The following MICU1 variants were observed in gnomAD, a reference collection of about 807,000 sequenced individuals.
The protein encoded by MICU1 is calcium uptake protein 1, mitochondrial.
In MICU1, 45 loss-of-function variants were observed where a neutral mutation model predicts 56.8. That is an observed-to-expected ratio of 0.79 (90% CI 0.62 to 1.02). The LOEUF (loss-of-function observed/expected upper bound fraction) is 1.02, where lower values mean the gene tolerates loss of function less well. Among genes scored for constraint, MICU1 ranks in the 50% least tolerant of loss-of-function variants. The pLI, the probability that MICU1 is intolerant of heterozygous loss-of-function variation, is 0.00. For synonymous variants in MICU1, 186 were observed against 195.1 expected (o/e 0.95, Z 0.39); for missense variants, 504 against 587.1 (o/e 0.86, Z 1.46).
At chr10:72,388,508 G>A (rs764369838) in intron 10 of MICU1, among the ~76,000 whole-genome samples, 1 of 152,170 alleles carries the variant, frequency 6.6e-6, no homozygotes, top group Non-Finnish European at 1.5e-5. Flanking sequence ...GTCTGTTATT[G>A]TAAGGTAAGG....
chr10:72,590,996 A>G (rs1353348029), intron 1 of MICU1, among the ~76,000 whole-genome samples: 1 of 152,128 alleles, frequency 6.6e-6, no homozygotes, highest in Non-Finnish European at 1.5e-5. Context: ...TTAGGCCACA[A>G]ATTAAGTCTC....
intron 3 of MICU1, among the ~76,000 whole-genome samples, chr10:72,561,317 T>C (rs1044995744): frequency 2.6e-5 from 4 of 152,148 alleles, no homozygotes; most frequent in African/African-American, 9.7e-5. Context: ...TTTTACGAAA[T>C]GGAAAGTGTG....
intron 8 of MICU1, among the ~76,000 whole-genome samples, chr10:72,429,058 G>A (rs1864440396): frequency 6.6e-6 from 1 of 152,166 alleles, no homozygotes; most frequent in African/African-American, 2.4e-5. Context: ...ACCTCAAAGT[G>A]TTGTTGTAAA....
chr10:72,369,117 AT>A (rs993994886), intron 11 of MICU1, among the ~76,000 whole-genome samples: 1 of 151,918 alleles, frequency 6.6e-6, no homozygotes, highest in East Asian at 1.9e-4. Context: ...GTCTCTAAAA[AT>A]TTTTTTCAAA....
At chr10:72,618,538 CCT>C (rs1218914953) in intron 1 of MICU1, among the ~76,000 whole-genome samples, 8 of 151,882 alleles carry the variant, frequency 5.3e-5, no homozygotes, top group Admixed American at 5.3e-4. Context: ...AGGTCAAAGA[CCT>C]GAAAAAAATA....
chr10:72,611,086 C>T (rs1344826686), intron 1 of MICU1, among the ~76,000 whole-genome samples: 1 of 147,186 alleles, frequency 6.8e-6, no homozygotes, highest in Non-Finnish European at 1.5e-5. Flanking sequence ...GGGCGGATCA[C>T]GAGGTCAGGC....
At chr10:72,390,446 A>G (rs1397240130) in intron 10 of MICU1, among the ~76,000 whole-genome samples, 4 of 152,224 alleles carry the variant, frequency 2.6e-5, no homozygotes, top group Admixed American at 2.0e-4. Flanking sequence ...GAAATTCTAT[A>G]TAACTCTGGC....
At chr10:72,522,547 C>G (rs1489746105) in intron 5 of MICU1, among the ~76,000 whole-genome samples, 1 of 152,074 alleles carries the variant, frequency 6.6e-6, no homozygotes, top group Non-Finnish European at 1.5e-5. Flanking sequence ...AATAATCAAA[C>G]ACATGGGTTA....
chr10:72,571,699 T>C (rs140232281), intron 1 of MICU1, among the ~76,000 whole-genome samples: 2 of 152,110 alleles, frequency 1.3e-5, no homozygotes, highest in African/African-American at 4.8e-5. Context: ...AACCTAGGTA[T>C]TGGGTGATGA....
chr10:72,550,872 AAG>A (rs1445886301), intron 4 of MICU1, among the ~76,000 whole-genome samples: 1 of 152,218 alleles, frequency 6.6e-6, no homozygotes, highest in African/African-American at 2.4e-5. Flanking sequence ...TTCCTCACTA[AAG>A]AGTGACTTGA....
At chr10:72,500,939 T>C (rs1455803099) in intron 6 of MICU1, among the ~76,000 whole-genome samples, 3 of 152,228 alleles carry the variant, frequency 2.0e-5, no homozygotes, top group Non-Finnish European at 4.4e-5. Context: ...TCAGCTAATG[T>C]TCCAGTTGGT....
intron 4 of MICU1, among the ~76,000 whole-genome samples, chr10:72,549,403 C>A (rs1839977359): frequency 6.6e-6 from 1 of 151,894 alleles, no homozygotes; most frequent in Admixed American, 6.6e-5. Flanking sequence ...GTTGCCCAGG[C>A]TGGTCCTCAA....
intron 6 of MICU1, among the ~76,000 whole-genome samples, chr10:72,482,049 G>A (rs1866314954): frequency 6.6e-6 from 1 of 151,994 alleles, no homozygotes; most frequent in Admixed American, 6.6e-5. Flanking sequence ...TTTTGTTTTA[G>A]TAAAGAGAAA....
intron 8 of MICU1, among the ~76,000 whole-genome samples, chr10:72,437,201 G>T (rs191973677): frequency 4.6e-4 from 70 of 152,232 alleles, no homozygotes; most frequent in Middle Eastern, 3.4e-3. Context: ...CAGATCTCTC[G>T]GCAGAAACCC....
intron 6 of MICU1, among the ~76,000 whole-genome samples, chr10:72,480,159 G>A (rs772870663): frequency 1.3e-5 from 2 of 152,180 alleles, no homozygotes; most frequent in Non-Finnish European, 2.9e-5. Context: ...TAATGGAGAG[G>A]AGGGACACAT....
intron 4 of MICU1, among the ~76,000 whole-genome samples, chr10:72,549,930 C>CAAA (rs60734797): frequency 2.7e-5 from 3 of 111,368 alleles, no homozygotes; most frequent in Non-Finnish European, 3.5e-5. Flanking sequence ...AACTCCATCT[C>CAAA]AAAAAAAAAA....
At chr10:72,476,444 G>A (rs1053362763) in intron 7 of MICU1, among the ~76,000 whole-genome samples, 5 of 151,914 alleles carry the variant, frequency 3.3e-5, no homozygotes, top group Admixed American at 1.3e-4. Flanking sequence ...GCCCAGGCTG[G>A]TTTCAAACTA....
intron 8 of MICU1, among the ~76,000 whole-genome samples, chr10:72,456,988 T>G (rs1865491421): frequency 4.8e-5 from 7 of 145,932 alleles, no homozygotes; most frequent in African/African-American, 1.3e-4. Flanking sequence ...TGTGTGTGTT[T>G]TGTTTGTTTG....
At chr10:72,487,521 A>G (rs1384949226) in intron 6 of MICU1, among the ~76,000 whole-genome samples, 1 of 152,138 alleles carries the variant, frequency 6.6e-6, no homozygotes, top group Non-Finnish European at 1.5e-5. Flanking sequence ...GAAGTGGTCA[A>G]GCCGAAGACC....
Sources: allele counts gnomAD v4.1 joint callset (sites outside exome capture counted in the v4.1 genomes callset), GRCh38; gene constraint gnomAD v4.1.1; transcripts MANE v1.5; gene names NCBI Gene and HGNC (gene_info 2026-07-23, HGNC 2026-07-21).